Variants in UNC79 observed in about 807,000 individuals in gnomAD.
The protein encoded by UNC79 is protein unc-79 homolog.
In UNC79, 37 loss-of-function variants were observed where a neutral mutation model predicts 283.1. The ratio of observed to expected loss-of-function variants is 0.13; its 90% confidence interval spans 0.10 to 0.17. The LOEUF (loss-of-function observed/expected upper bound fraction) is 0.17, where lower values mean the gene tolerates loss of function less well. Among genes scored for constraint, UNC79 ranks in the 10% least tolerant of loss-of-function variants. UNC79 has a pLI of 1.00. For missense variants in UNC79, 2,272 were observed against 3,211.1 expected (o/e 0.71, Z 7.07); for synonymous variants, 1,107 against 1,200.2 (o/e 0.92, Z 1.61).
intron 48 of UNC79, 85 bp downstream of exon 51, chr14:93,704,751 CTA>C: frequency 1.3e-6 from 2 of 1,496,816 alleles, no homozygotes; most frequent in Non-Finnish European, 1.9e-6. Context: ...GCTCCATTTA[CTA>C]TGGAGAAGGA....
At position 93,553,735 on chromosome 14, in the gene UNC79, A is replaced by G. The variant is rs1372459983; in HGVS notation, c.1755+11039A>G. Among the ~76,000 whole-genome samples, 9 of 152,234 alleles carry G rather than the reference A, an allele frequency of 5.9e-5. No individual in the cohort carries two copies. In the East Asian group the frequency reaches 1.7e-3, roughly 29 times the overall value. ...ATATTAATCACACATTTATGTGACT[A>G]TAATCTAAAAAAAGCTAAACACCAT... On this transcript the variant is annotated intron_variant, in intron 14 of 48. Coordinates refer to ENST00000555664, the Ensembl canonical transcript of UNC79.
chr14:93,625,007 A>G (rs1316276069), intron 30 of UNC79, among the ~76,000 whole-genome samples: 1 of 152,178 alleles, frequency 6.6e-6, no homozygotes, highest in South Asian at 2.1e-4. Flanking sequence ...GAGCTCCACA[A>G]GGCCTTGCAT....
intron 23 of UNC79, among the ~76,000 whole-genome samples, chr14:93,596,226 A>T (rs774988853): frequency 4.6e-5 from 7 of 152,258 alleles, no homozygotes; most frequent in Non-Finnish European, 1.0e-4. Flanking sequence ...TATGCAAATG[A>T]GTAGTACTTT....
chr14:93,655,189 C>T, intron 37 of UNC79, 45 bp from the exon 41 acceptor site: 2 of 1,599,852 alleles, frequency 1.3e-6, no homozygotes, highest in Non-Finnish European at 8.5e-7. Flanking sequence ...CTATGCATTC[C>T]CGTGCTGTTT....
rs761952355 is a variant in UNC79 at position 93,688,641 on chromosome 14, A to G, written c.6910-24A>G. ...ATGAATCCAGGTGTCTGCCAGAGTT[A>G]CAAAATACCATTCGGTTTTGTAGAG... On this transcript the variant is annotated intron_variant, in intron 43 of 48. Coordinates refer to ENST00000555664, the Ensembl canonical transcript of UNC79. The surrounding 1 kb of genome is among the most constrained non-coding windows in gnomAD (Gnocchi z 4.0). The G allele has an allele frequency of 6.2e-7, 1 of 1,606,152 alleles. No individual in the cohort carries two copies. Among genetic ancestry groups the G allele is most frequent in the Non-Finnish European group, 8.5e-7 (1 of 1,175,070 alleles).
intron 14 of UNC79, among the ~76,000 whole-genome samples, chr14:93,552,190 A>G (rs2061933112): frequency 1.3e-5 from 2 of 152,222 alleles, no homozygotes; most frequent in African/African-American, 4.8e-5. Context: ...AATTTAAGTG[A>G]ATAGGCTGGA....
intron 40 of UNC79, among the ~76,000 whole-genome samples, chr14:93,669,383 G>A (rs1032185083): frequency 1.3e-5 from 2 of 152,106 alleles, no homozygotes; most frequent in African/African-American, 4.8e-5. Context: ...TTTTACCCAG[G>A]GAGTGTTTGT....
chr14:93,599,353 AGTGT>A (rs56758207), intron 24 of UNC79, among the ~76,000 whole-genome samples: 4,803 of 147,240 alleles, frequency 0.033, 178 homozygotes, highest in African/African-American at 0.09. Context: ...CACATACTTA[AGTGT>A]GTGTGTGTGT....
chr14:93,553,533 C>T (rs1376993026), intron 14 of UNC79, among the ~76,000 whole-genome samples: 1 of 152,114 alleles, frequency 6.6e-6, no homozygotes, highest in East Asian at 1.9e-4. Context: ...TAGATTAAAA[C>T]AAGACAATTG....
At chr14:93,622,464 A>C (rs2067210679) in exon 30 of UNC79, 1 of 1,614,172 alleles carries the variant, frequency 6.2e-7, no homozygotes, top group Non-Finnish European at 8.5e-7. Context: ...CTGACGCTGA[A>C]GCAAAAACGA....
At chr14:93,571,551 C>T (rs947007327) in intron 14 of UNC79, among the ~76,000 whole-genome samples, 1 of 152,164 alleles carries the variant, frequency 6.6e-6, no homozygotes, top group African/African-American at 2.4e-5. Flanking sequence ...ATTTATCAGA[C>T]TTGAGGAATA....
At chr14:93,489,743 AG>A (rs1458832364) in intron 5 of UNC79, among the ~76,000 whole-genome samples, 3 of 152,136 alleles carry the variant, frequency 2.0e-5, no homozygotes, top group African/African-American at 7.2e-5. Flanking sequence ...TTTGCCATGT[AG>A]GGGTTGGGCC....
chr14:93,382,019 A>C (rs530723061), intron 1 of UNC79, among the ~76,000 whole-genome samples: 10 of 152,204 alleles, frequency 6.6e-5, no homozygotes, highest in Admixed American at 1.3e-4. Context: ...AGGAAAGGAG[A>C]AACTTTAAAT....
chr14:93,685,893 C>T (rs561071261), intron 42 of UNC79, among the ~76,000 whole-genome samples: 1 of 152,308 alleles, frequency 6.6e-6, no homozygotes, highest in East Asian at 1.9e-4. Flanking sequence ...GCTTTCTTTT[C>T]CTTCAAAACT....
intron 8 of UNC79, among the ~76,000 whole-genome samples, chr14:93,524,475 A>G (rs1278668471): frequency 6.6e-6 from 1 of 152,224 alleles, no homozygotes; most frequent in Admixed American, 6.5e-5. Flanking sequence ...TACAAATATG[A>G]CTTAACTGAA....
intron 45 of UNC79, chr14:93,691,045 T>C (rs914911666): frequency 6.5e-6 from 1 of 153,292 alleles, no homozygotes; most frequent in African/African-American, 2.4e-5. Flanking sequence ...CAAATGATGT[T>C]CACAAAAGGA....
Position 93,558,446 on chromosome 14 carries a change from CTCAGG to C in UNC79, c.1756-13447_1756-13443del, listed in dbSNP as rs1284222973. ...TGGCGGGTGCCTGTAGTCCCAGCTA[CTCAGG>C]AGGCTGAGGCAGGAGAATGGCGTGA... On this transcript the variant is annotated intron_variant, in intron 14 of 48. Coordinates refer to ENST00000555664, the Ensembl canonical transcript of UNC79. Among the ~76,000 whole-genome samples the C allele has an allele frequency of 2.1e-4, 32 of 151,802 alleles. No individual in the cohort carries two copies. The East Asian group carries it at 6.2e-3, about 30-fold the overall frequency.
intron 5 of UNC79, among the ~76,000 whole-genome samples, chr14:93,495,847 G>C (rs552491284): frequency 6.6e-6 from 1 of 152,218 alleles, no homozygotes; most frequent in African/African-American, 2.4e-5. Context: ...AATCAAGGAA[G>C]CTTGCTGTCA....
chr14:93,613,087 A>C lies in UNC79; in HGVS notation c.4041+4A>C. The C allele has an allele frequency of 6.2e-7, 1 of 1,614,052 alleles. No individual in the cohort carries two copies. ...ATTCATTGCAGGAATTGCCCAAGTA[A>C]GTGTAATAACAGCTTTCAGAAGTCA... On this transcript the variant is annotated splice_donor_region_variant and intron_variant, in intron 27 of 48. Transcript: ENST00000555664.
Sources: allele counts gnomAD v4.1 joint callset (sites outside exome capture counted in the v4.1 genomes callset), GRCh38; gene constraint gnomAD v4.1.1; non-coding constraint Gnocchi (gnomAD v3.1); transcripts MANE v1.5; gene names NCBI Gene and HGNC (gene_info 2026-07-23, HGNC 2026-07-21).